The following NRXN3 variants were observed in gnomAD, a reference collection of about 807,000 sequenced individuals.
The protein encoded by NRXN3 is neurexin 3, also known as neurexin III.
In NRXN3, 32 loss-of-function variants were observed where a neutral mutation model predicts 137.6. That is an observed-to-expected ratio of 0.23 (90% CI 0.18 to 0.31). NRXN3 has a LOEUF of 0.31. Among genes scored for constraint, NRXN3 ranks in the 10% least tolerant of loss-of-function variants. The probability of loss-of-function intolerance (pLI) is 1.00; values close to 1 mark genes in which losing one functional copy is unlikely to be tolerated. For missense variants in NRXN3, 1,574 were observed against 2,062.5 expected, an observed-to-expected ratio of 0.76 and a Z score of 4.59; for synonymous variants, 798 against 784.5, an observed-to-expected ratio of 1.02 and a Z score of -0.29.
intron 10 of NRXN3, among the ~76,000 whole-genome samples, chr14:78,920,649 G>A (rs377268132): frequency 1.4e-4 from 21 of 152,204 alleles, no homozygotes; most frequent in African/African-American, 3.6e-4. Flanking sequence ...TGGAGTGCTC[G>A]GGCTACCCAC....
chr14:79,683,789 T>G (rs1392777576), intron 17 of NRXN3, among the ~76,000 whole-genome samples: 1 of 152,180 alleles, frequency 6.6e-6, no homozygotes, highest in Non-Finnish European at 1.5e-5. Flanking sequence ...CTCAGTTCCT[T>G]GCCTTATGTA....
At position 78,583,438 on chromosome 14, in the gene NRXN3, C is replaced by A. The variant is rs1406274925; in HGVS notation, c.758-61682C>A. 1.3e-4 allele frequency among the ~76,000 whole-genome samples: 19 copies of A among 147,834 alleles called. No individual in the cohort carries two copies. In the East Asian group the frequency reaches 3.2e-3, roughly 25 times the overall value. On this transcript the variant is annotated intron_variant, in intron 4 of 20. Coordinates refer to ENST00000335750, the MANE Select transcript of NRXN3 (RefSeq NM_001330195.2). ...AAACCTCAATCTATCAAAAAAAAAA[C>A]AAACCCCAAAAAGTATTGCCAGTTC...
chr14:79,071,154 G>T (rs532533893), intron 15 of NRXN3, among the ~76,000 whole-genome samples: 58 of 152,144 alleles, frequency 3.8e-4, no homozygotes, highest in Admixed American at 1.1e-3. Context: ...TAGCCTCTCG[G>T]TTGTGCTATT....
chr14:78,636,753 A>G (rs2097570479), intron 4 of NRXN3, among the ~76,000 whole-genome samples: 1 of 152,206 alleles, frequency 6.6e-6, no homozygotes, highest in African/African-American at 2.4e-5. Flanking sequence ...AATATACAGT[A>G]CATTACATAA....
At chr14:79,389,687 T>C (rs565405726) in intron 15 of NRXN3, among the ~76,000 whole-genome samples, 3 of 152,358 alleles carry the variant, frequency 2.0e-5, no homozygotes, top group African/African-American at 7.2e-5. Context: ...CTTTTAGTTA[T>C]GAAAACCTGT....
chr14:79,354,307 CAAT>C (rs994107148), intron 15 of NRXN3, among the ~76,000 whole-genome samples: 5 of 152,076 alleles, frequency 3.3e-5, no homozygotes, highest in African/African-American at 9.7e-5. Flanking sequence ...AATATGGTAT[CAAT>C]GATACTCAGC....
intron 8 of NRXN3, among the ~76,000 whole-genome samples, chr14:78,751,775 G>A (rs1363355120): frequency 6.6e-6 from 1 of 152,216 alleles, no homozygotes; most frequent in Non-Finnish European, 1.5e-5. Context: ...TTGCCCAGCA[G>A]TGTGGCCTGC....
chr14:78,882,555 T>C (rs2152657880), intron 10 of NRXN3, among the ~76,000 whole-genome samples: 1 of 151,892 alleles, frequency 6.6e-6, no homozygotes, highest in Non-Finnish European at 1.5e-5. Context: ...ATTGGATTAC[T>C]TGCATGAGGC....
intron 4 of NRXN3, among the ~76,000 whole-genome samples, chr14:78,630,593 CTTTCTTTTTTT>C (rs2097510208): frequency 8.0e-6 from 1 of 125,302 alleles, no homozygotes; most frequent in African/African-American, 3.3e-5. Context: ...TTCTTTCTTT[CTTTCTTTTTTT>C]TTTTTTTTTG....
chr14:79,694,410 A>G (rs943404782), intron 18 of NRXN3, among the ~76,000 whole-genome samples: 2 of 152,004 alleles, frequency 1.3e-5, no homozygotes, highest in Non-Finnish European at 2.9e-5. Context: ...ATGGGTATCT[A>G]AAACAAAAAG....
intron 17 of NRXN3, among the ~76,000 whole-genome samples, chr14:79,672,729 A>G (rs147582034): frequency 6.6e-6 from 1 of 152,220 alleles, no homozygotes; most frequent in East Asian, 1.9e-4. Flanking sequence ...TATCCCAGCC[A>G]TAAAATACAA....
At chr14:78,208,353 T>G (rs1181307616) in intron 1 of NRXN3, among the ~76,000 whole-genome samples, 1 of 152,192 alleles carries the variant, frequency 6.6e-6, no homozygotes, top group Admixed American at 6.5e-5. Flanking sequence ...ACACTGTGCC[T>G]GCAATAAAAC....
At chr14:79,090,259 C>T (rs765711513) in intron 15 of NRXN3, among the ~76,000 whole-genome samples, 12 of 152,040 alleles carry the variant, frequency 7.9e-5, no homozygotes, top group Non-Finnish European at 1.0e-4. Context: ...GTTAATATAA[C>T]ATAGGGATTA....
chr14:78,900,182 C>G (rs1415435922), intron 10 of NRXN3, among the ~76,000 whole-genome samples: 1 of 151,868 alleles, frequency 6.6e-6, no homozygotes, highest in Non-Finnish European at 1.5e-5. Flanking sequence ...TAAAAAATCA[C>G]AACACCCCAA....
intron 8 of NRXN3, among the ~76,000 whole-genome samples, chr14:78,770,855 G>T (rs985694411): frequency 6.6e-6 from 1 of 152,086 alleles, no homozygotes. Context: ...GGGGTTGGGG[G>T]GGGTACAGCT....
At chr14:78,613,826 A>G (rs911500359) in intron 4 of NRXN3, among the ~76,000 whole-genome samples, 1 of 152,162 alleles carries the variant, frequency 6.6e-6, no homozygotes, top group African/African-American at 2.4e-5. Flanking sequence ...TTTTAGGTCA[A>G]AAGCAACAAC....
intron 10 of NRXN3, among the ~76,000 whole-genome samples, chr14:78,850,469 G>T (rs969605449): frequency 2.0e-5 from 3 of 152,000 alleles, no homozygotes; most frequent in Admixed American, 1.3e-4. Context: ...TTGAACAAAA[G>T]GTTAAATAGA....
chr14:79,510,171 T>A (rs1025541705), intron 16 of NRXN3, among the ~76,000 whole-genome samples: 5 of 152,174 alleles, frequency 3.3e-5, no homozygotes, highest in African/African-American at 1.2e-4. Flanking sequence ...TCTAAGAGAA[T>A]CAAAGTTAAG....
At chr14:79,413,754 T>C (rs1226806701) in intron 15 of NRXN3, among the ~76,000 whole-genome samples, 2 of 152,046 alleles carry the variant, frequency 1.3e-5, no homozygotes, top group African/African-American at 4.8e-5. Flanking sequence ...GAATGAAACA[T>C]GCGACTCTTT....
Sources: gnomAD v4.1 joint callset for allele counts (sites outside exome capture counted in the v4.1 genomes callset) on GRCh38, gnomAD v4.1.1 for gene constraint, MANE v1.5 for transcripts, NCBI Gene and HGNC (gene_info 2026-07-23, HGNC 2026-07-21) for gene names.